The following GOLGA4 variants were observed in gnomAD, a reference collection of about 807,000 sequenced individuals.
GOLGA4 encodes the protein golgin A4.
Under a neutral mutation model 265.9 loss-of-function variants are expected in GOLGA4, and 169 were observed. That is an observed-to-expected ratio of 0.64 (90% CI 0.56 to 0.72). The LOEUF is 0.72. GOLGA4 is among the 30% of genes least tolerant of loss of function. The pLI is 0.00. For missense variants in GOLGA4, 2,482 were observed against 2,483.4 expected, an observed-to-expected ratio of 1.00 and a Z score of 0.01; for synonymous variants, 923 against 855.8, an observed-to-expected ratio of 1.08 and a Z score of -1.37.
chr3:37,322,377 A>G (rs996578216), intron 13 of GOLGA4, among the ~76,000 whole-genome samples: 1 of 152,094 alleles, frequency 6.6e-6, no homozygotes, highest in African/African-American at 2.4e-5. Flanking sequence ...ATTTGTGTGT[A>G]TGTCCCAGAG....
chr3:37,329,912 T>C (rs528461279), intron 16 of GOLGA4, among the ~76,000 whole-genome samples: 2 of 152,230 alleles, frequency 1.3e-5, no homozygotes, highest in South Asian at 4.1e-4. Flanking sequence ...AATCAAAGAA[T>C]CATACCTCAG....
At chr3:37,305,966 G>A (rs1342240755) in intron 10 of GOLGA4, among the ~76,000 whole-genome samples, 1 of 152,142 alleles carries the variant, frequency 6.6e-6, no homozygotes, top group Admixed American at 6.5e-5. Flanking sequence ...GAATTGTGGT[G>A]CCTTTCATAT....
chr3:37,279,576 CT>C (rs1448821638), intron 2 of GOLGA4, among the ~76,000 whole-genome samples: 2 of 152,046 alleles, frequency 1.3e-5, no homozygotes, highest in African/African-American at 4.8e-5. Flanking sequence ...TCCTTCTTTT[CT>C]GCTCTGTTAT....
In GOLGA4 at chr3:37,337,179, C is replaced by A; in HGVS notation, c.6327+16C>A. On this transcript the variant is annotated intron_variant, in intron 18 of 23. Coordinates refer to ENST00000361924, the MANE Select transcript of GOLGA4 (RefSeq NM_002078.5). ...GGAGCTACAGGTAAGGCTAGTTCTT[C>A]TTTTTTTTTTTTTCTTTTTTTTCTT... 4.7e-6 allele frequency: 5 copies of A among 1,073,198 alleles called. No homozygotes were observed. Among genetic ancestry groups the A allele is most frequent in the Non-Finnish European group, 6.6e-6 (5 of 762,594 alleles). The allele number at this position is 1,073,198 out of a possible 1,614,324, so 66.5% of individuals were successfully genotyped here. A position where few individuals can be genotyped will look rare whatever the true frequency, so the allele number is the denominator to read the frequency against.
chr3:37,296,344 G>C, intron 7 of GOLGA4, 125 bp downstream of exon 7: 1 of 859,170 alleles, frequency 1.2e-6, no homozygotes. Context: ...TCAGGAGTTT[G>C]AGACCAGCCT....
At chr3:37,300,848 C>G (rs767477549) in intron 9 of GOLGA4, among the ~76,000 whole-genome samples, 2 of 152,070 alleles carry the variant, frequency 1.3e-5, no homozygotes, top group African/African-American at 2.4e-5. Flanking sequence ...ATTTTTTGCT[C>G]TTTTATGAAT....
At chr3:37,365,996 A>ATC in intron 23 of GOLGA4, 84 bp from the exon 24 acceptor site, 2 of 1,200,228 alleles carry the variant, frequency 1.7e-6, no homozygotes, top group South Asian at 2.9e-5. Context: ...AAACTTGAAA[A>ATC]AACAAATATC....
Position 37,257,970 on chromosome 3 carries a change from CATACATATATATATGTATGTATATATGT to C in GOLGA4, c.162+6490_162+6517del, listed in dbSNP as rs1560279992. ...ATATGTATGTATATATGTATATATACATACATATATATATGTATGTATATATGTATATATACATACATATATATATGTA... is the reference window on the plus strand; with the variant it reads ...ATATGTATGTATATATGTATATATACATATATACATACATATATATATGTA... On this transcript the variant is annotated intron_variant, in intron 2 of 23. Transcript: ENST00000361924. Among the ~76,000 whole-genome samples the C allele has an allele frequency of 6.5e-3, 522 of 80,526 alleles. 52 individuals are homozygous for C. The highest frequency in any genetic ancestry group is 0.03 in the African/African-American group (434 of 14,302). 52.8% of individuals were successfully genotyped at this position (80,526 alleles called of 152,430 possible). A position where few individuals can be genotyped will look rare whatever the true frequency, so the allele number is the denominator to read the frequency against.
chr3:37,300,333 T>C (rs1008534059), intron 9 of GOLGA4, among the ~76,000 whole-genome samples: 2 of 152,210 alleles, frequency 1.3e-5, no homozygotes, highest in Non-Finnish European at 2.9e-5. Context: ...TTTTCTTTAA[T>C]ATGCCGGGTT....
chr3:37,349,650 T>G (rs7614813), intron 21 of GOLGA4, among the ~76,000 whole-genome samples: 8,132 of 152,230 alleles, frequency 0.053, 300 homozygotes, highest in African/African-American at 0.11. Context: ...AGTAGGGATT[T>G]ACAAGATCAG....
rs753061404 is a variant in GOLGA4, at chr3:37,303,409, A to T, written c.1234+1077A>T. Reference sequence around the variant, plus strand: ...AATCTGTAGAATTTGGTATCTGATCAACTCAGGGAGGCAGAAGAAAAGTAA... The same window carrying T: ...AATCTGTAGAATTTGGTATCTGATCTACTCAGGGAGGCAGAAGAAAAGTAA... On this transcript the variant is annotated intron_variant, in intron 10 of 23. Transcript: ENST00000361924. 3.3e-5 allele frequency among the ~76,000 whole-genome samples: 5 copies of T among 152,232 alleles called. No homozygotes were observed. In the South Asian group the frequency reaches 1.0e-3, roughly 32 times the overall value.
Position 37,342,213 on chromosome 3 carries a change from G to A in GOLGA4, c.6472+2014G>A, listed in dbSNP as rs920609105. On this transcript the variant is annotated intron_variant, in intron 20 of 23. Coordinates refer to ENST00000361924, the MANE Select transcript of GOLGA4 (RefSeq NM_002078.5). The stretch of plus-strand genomic sequence containing the variant: ...CAAAAAATTAGCCGCGTATGGTGGC[G>A]TACACCTGTAATCTCAGCTACTCGG... 5.3e-5 allele frequency among the ~76,000 whole-genome samples: 8 copies of A among 152,196 alleles called. No homozygotes were observed. In the South Asian group the frequency reaches 1.5e-3, roughly 28 times the overall value.
chr3:37,361,921 A>G (rs919193574), intron 23 of GOLGA4, among the ~76,000 whole-genome samples: 3 of 152,252 alleles, frequency 2.0e-5, no homozygotes, highest in Non-Finnish European at 4.4e-5. Context: ...GGCATATGAA[A>G]TGTTTCAACG....
chr3:37,294,559 A>G (rs2096873266), intron 5 of GOLGA4, among the ~76,000 whole-genome samples: 2 of 151,938 alleles, frequency 1.3e-5, no homozygotes, highest in Non-Finnish European at 1.5e-5. Context: ...TCATTTTTGT[A>G]TATTTAGTAG....
rs758750933 is a variant in GOLGA4, at chr3:37,325,417, G to A, written c.3531G>A (p.Lys1177=). 1 of 1,611,088 alleles carries A rather than the reference G, an allele frequency of 6.2e-7. No individual in the cohort carries two copies. The highest frequency in any genetic ancestry group is 8.5e-7 in the Non-Finnish European group (1 of 1,179,120). ...DKRKVSELTS[K]LKTTDEEFQS... ...GGAAGGTTTCTGAGTTGACTAGCAA[G>A]TTGAAAACCACAGATGAAGAATTCC... Residue 1177 remains lysine (K), a synonymous_variant, in exon 14 of 24, where the codon AAG becomes AAA. Coordinates refer to ENST00000361924, the MANE Select transcript of GOLGA4 (RefSeq NM_002078.5).
intron 14 of GOLGA4, among the ~76,000 whole-genome samples, chr3:37,328,172 AC>A (rs1332662946): frequency 6.6e-6 from 1 of 151,864 alleles, no homozygotes; most frequent in African/African-American, 2.4e-5. Context: ...AAAGTGGAAA[AC>A]AAAAATTCTC....
intron 20 of GOLGA4, among the ~76,000 whole-genome samples, chr3:37,345,127 T>G (rs1361359716): frequency 6.6e-6 from 1 of 152,158 alleles, no homozygotes; most frequent in East Asian, 1.9e-4. Flanking sequence ...GGAGGATCAC[T>G]TGAATCCAGG....
Position 37,328,960 on chromosome 3 carries a change from T to C in GOLGA4, c.6062-3T>C, listed in dbSNP as rs751335626. On this transcript the variant is annotated splice_polypyrimidine_tract_variant and splice_region_variant and intron_variant, in intron 15 of 23. Transcript: ENST00000361924. ...CTTGTGTGTGTTCATTTTTATTTATTAGATAAGGCCCAGGAGGTGGAGGCT... is the reference window on the plus strand; with the variant it reads ...CTTGTGTGTGTTCATTTTTATTTATCAGATAAGGCCCAGGAGGTGGAGGCT... The C allele has an allele frequency of 1.9e-6, 3 of 1,572,132 alleles. No homozygotes were observed. The highest frequency in any genetic ancestry group is 4.5e-5 in the East Asian group (2 of 44,334).
At position 37,295,018 on chromosome 3, in the gene GOLGA4, G is replaced by A. The variant is rs147726248; in HGVS notation, c.622G>A (p.Glu208Lys). 109 of 1,611,198 alleles carry A rather than the reference G, an allele frequency of 6.8e-5. No homozygotes were observed. Among genetic ancestry groups the A allele is most frequent in the Non-Finnish European group, 9.2e-5 (108 of 1,178,204 alleles). ...CCAGCAGGCAAAGAAACATCTGCAA[G>A]AGGAGTTTGATGCATCTTTAGAGGA... ...MDQQAKKHLQ[E>K]EFDASLEEKD... Residue 208 changes from glutamate to lysine, a missense_variant, in exon 6 of 24, where the codon GAG becomes AAG. Around this residue, in one of 3 missense-constraint regions of GOLGA4, gnomAD observed 1,536 missense variants for 1,483.7 expected, o/e 1.04. Transcript: ENST00000361924.
Sources: allele counts gnomAD v4.1 joint callset (sites outside exome capture counted in the v4.1 genomes callset), GRCh38; gene constraint gnomAD v4.1.1; regional missense constraint gnomAD v4.1.1; transcripts MANE v1.5; gene names NCBI Gene and HGNC (gene_info 2026-07-23, HGNC 2026-07-21).